The following SEC23B variants were observed in gnomAD, a reference collection of about 807,000 sequenced individuals.
The protein encoded by SEC23B is SEC23 homolog B, COPII component, also known as protein transport protein Sec23B.
Under a neutral mutation model 104.3 loss-of-function variants are expected in SEC23B, and 77 were observed. That is an observed-to-expected ratio of 0.74 (90% confidence interval 0.61 to 0.89). SEC23B has a LOEUF of 0.89. Ranked by LOEUF, SEC23B falls within the 40% of genes least tolerant of loss-of-function variation. SEC23B has a pLI of 0.00. For synonymous variants in SEC23B, 338 were observed against 332.5 expected, an observed-to-expected ratio of 1.02 and a Z score of -0.18; for missense variants, 885 against 949.4, an observed-to-expected ratio of 0.93 and a Z score of 0.89.
intron 19 of SEC23B, among the ~76,000 whole-genome samples, chr20:18,558,488 C>T (rs778451861): frequency 5.3e-4 from 80 of 152,188 alleles, no homozygotes; most frequent in Admixed American, 7.9e-4. Flanking sequence ...GTCCTTATTT[C>T]TTTGAATGCC....
intron 6 of SEC23B, 89 bp from the exon 7 acceptor site, chr20:18,525,699 C>A: frequency 7.4e-7 from 1 of 1,353,958 alleles, no homozygotes; most frequent in Non-Finnish European, 1.1e-6. Flanking sequence ...GAATAATTAT[C>A]TTGAAGAGCA....
chr20:18,547,597 T>G (rs906696237), intron 15 of SEC23B, among the ~76,000 whole-genome samples: 1 of 152,110 alleles, frequency 6.6e-6, no homozygotes, highest in African/African-American at 2.4e-5. Flanking sequence ...CATCCCAGCT[T>G]GTGTCCTGAG....
chr20:18,552,996 G>A (rs937171518), intron 17 of SEC23B, among the ~76,000 whole-genome samples: 1 of 152,166 alleles, frequency 6.6e-6, no homozygotes, highest in Admixed American at 6.5e-5. Context: ...TGGGAGGAGT[G>A]GTCTTGGAAC....
chr20:18,553,433 T>C (rs1444156464), intron 17 of SEC23B, among the ~76,000 whole-genome samples: 2 of 152,220 alleles, frequency 1.3e-5, no homozygotes, highest in Admixed American at 1.3e-4. Context: ...TTCTCCATTT[T>C]TCCTCTCCAT....
intron 16 of SEC23B, among the ~76,000 whole-genome samples, chr20:18,550,157 T>C (rs2060374505): frequency 6.7e-6 from 1 of 149,096 alleles, no homozygotes; most frequent in African/African-American, 2.4e-5. Flanking sequence ...TACAAATAAA[T>C]AATAAACGTA....
intron 19 of SEC23B, among the ~76,000 whole-genome samples, chr20:18,558,514 T>C (rs2060462111): frequency 6.6e-6 from 1 of 152,196 alleles, no homozygotes; most frequent in African/African-American, 2.4e-5. Context: ...ACCTGCTCTC[T>C]TTTCTTTCTT....
At chr20:18,545,322 G>A (rs1172519317) in intron 14 of SEC23B, among the ~76,000 whole-genome samples, 3 of 152,184 alleles carry the variant, frequency 2.0e-5, no homozygotes, top group Non-Finnish European at 4.4e-5. Flanking sequence ...ATAGGAAAGT[G>A]ATGTATTAGC....
At chr20:18,541,288 A>G (rs771200525) in intron 12 of SEC23B, among the ~76,000 whole-genome samples, 4 of 152,236 alleles carry the variant, frequency 2.6e-5, no homozygotes, top group Non-Finnish European at 5.9e-5. Flanking sequence ...CTACTAAAAC[A>G]TTCTCCACAT....
chr20:18,558,792 C>T (rs973336830), intron 19 of SEC23B, among the ~76,000 whole-genome samples: 1 of 152,102 alleles, frequency 6.6e-6, no homozygotes, highest in Admixed American at 6.6e-5. Flanking sequence ...CTGAGGCTTC[C>T]TATTTTTTCA....
intron 9 of SEC23B, among the ~76,000 whole-genome samples, chr20:18,529,517 A>G (rs528031859): frequency 4.1e-4 from 63 of 152,300 alleles, no homozygotes; most frequent in Non-Finnish European, 7.2e-4. Flanking sequence ...CGGGGCTGGT[A>G]TGTTGCTTTC....
In SEC23B at chr20:18,530,546, A is replaced by G. The variant is rs2060174726; in HGVS notation, c.1110-134A>G. Reference sequence around the variant, plus strand: ...CACTGTGCCTGGCCTGTTTTTTTATATTTAAATTAATCAGTGGCTCTTTTG... The same window carrying G: ...CACTGTGCCTGGCCTGTTTTTTTATGTTTAAATTAATCAGTGGCTCTTTTG... On this transcript the variant is annotated intron_variant, in intron 9 of 19. Coordinates refer to ENST00000650089, the MANE Select transcript of SEC23B (RefSeq NM_006363.6). 4.8e-6 allele frequency: 5 copies of G among 1,051,602 alleles called. No individual in the cohort carries two copies. The African/African-American group carries it at 6.5e-5, about 14-fold the overall frequency. 65.1% of individuals were successfully genotyped at this position (1,051,602 alleles called of 1,614,324 possible). A position where few individuals can be genotyped will look rare whatever the true frequency, so the allele number is the denominator to read the frequency against.
At chr20:18,535,567 C>G in intron 11 of SEC23B, 86 bp from the exon 12 acceptor site, 2 of 967,730 alleles carry the variant, frequency 2.1e-6, no homozygotes, top group Non-Finnish European at 3.3e-6. Context: ...AGTAGCCTGC[C>G]CTACTCAGTC....
rs771260913 is a variant in SEC23B, at chr20:18,510,913, C to T, written c.78C>T (p.Ser26=). The T allele has an allele frequency of 6.1e-5, 98 of 1,613,994 alleles. 1 individual carries two copies. Among genetic ancestry groups the T allele is most frequent in the Non-Finnish European group, 5.3e-5 (62 of 1,180,034 alleles). ...GVRFSWNVWP[S]SRLEATRMVV... is the part of the protein sequence containing the mutation. The stretch of plus-strand genomic sequence containing the variant: ...GTTTTAGTTGGAACGTGTGGCCTTC[C>T]AGCCGGCTGGAGGCTACAAGAATGG... The change falls in exon 2 of 20, where the codon TCC becomes TCT. Residue 26 remains serine (S), a synonymous_variant. Transcript: ENST00000650089.
intron 4 of SEC23B, among the ~76,000 whole-genome samples, chr20:18,517,112 C>T (rs754318702): frequency 2.0e-5 from 3 of 152,162 alleles, no homozygotes; most frequent in East Asian, 1.9e-4. Flanking sequence ...CCATTTTTAT[C>T]GGAAATAATT....
intron 4 of SEC23B, among the ~76,000 whole-genome samples, chr20:18,516,508 TTC>T (rs2060028030): frequency 2.6e-5 from 2 of 77,232 alleles, no homozygotes; most frequent in East Asian, 5.7e-4. Context: ...GTGACATTGT[TTC>T]TTTTTTTTAA....
intron 4 of SEC23B, among the ~76,000 whole-genome samples, chr20:18,517,316 TCA>T (rs2060038436): frequency 6.6e-6 from 1 of 152,190 alleles, no homozygotes; most frequent in African/African-American, 2.4e-5. Flanking sequence ...GAGGTGGATC[TCA>T]CAAAGTACGT....
chr20:18,534,876 A>G (rs947349001), intron 11 of SEC23B, among the ~76,000 whole-genome samples: 1 of 152,194 alleles, frequency 6.6e-6, no homozygotes, highest in Non-Finnish European at 1.5e-5. Flanking sequence ...GAATGGGGTT[A>G]GCAAGGCAAG....
intron 8 of SEC23B, among the ~76,000 whole-genome samples, chr20:18,526,890 G>A (rs888041360): frequency 4.6e-5 from 7 of 152,176 alleles, no homozygotes; most frequent in Admixed American, 1.3e-4. Flanking sequence ...GACCAGCCTA[G>A]CCAACGTGGT....
rs764558594 is a variant in SEC23B at position 18,551,170 on chromosome 20, G to C, written c.1987G>C (p.Gly663Arg). Residue 663 changes from glycine to arginine, a missense_variant, in exon 17 of 20, where the codon GGT becomes CGT. Coordinates refer to ENST00000650089, the MANE Select transcript of SEC23B (RefSeq NM_006363.6). The part of the protein sequence containing the change: ...DTFFQIVIYL[G>R]ETIAQWRKAG... ...TTTCTTTCAAATTGTCATTTATCTT[G>C]GTGAGGTAAGATGATATTATTAATT... is the stretch of plus-strand genomic sequence containing the variant. 1.9e-6 allele frequency: 3 copies of C among 1,538,902 alleles called. No homozygotes were observed. Among genetic ancestry groups the C allele is most frequent in the Non-Finnish European group, 2.7e-6 (3 of 1,117,202 alleles).
Sources: allele counts gnomAD v4.1 joint callset (sites outside exome capture counted in the v4.1 genomes callset), GRCh38; gene constraint gnomAD v4.1.1; transcripts MANE v1.5; gene names NCBI Gene and HGNC (gene_info 2026-07-23, HGNC 2026-07-21).